The following ZFPM2 variants were observed in gnomAD, a reference collection of about 807,000 sequenced individuals.
The protein encoded by ZFPM2 is zinc finger protein, FOG family member 2.
Under a neutral mutation model 98.6 loss-of-function variants are expected in ZFPM2, and 20 were observed. The observed-to-expected ratio is 0.20, with a 90% CI of 0.14 to 0.29. The LOEUF is 0.29. ZFPM2 is among the 10% of genes least tolerant of loss of function. The pLI, the probability that ZFPM2 is intolerant of heterozygous loss-of-function variation, is 1.00. For synonymous variants in ZFPM2, 518 were observed against 502.7 expected (o/e 1.03, Z -0.41); for missense variants, 1,310 against 1,388.6 (o/e 0.94, Z 0.90).
intron 5 of ZFPM2, among the ~76,000 whole-genome samples, chr8:105,723,768 C>T (rs548475639): frequency 7.9e-5 from 12 of 151,922 alleles, no homozygotes; most frequent in African/African-American, 2.9e-4. Flanking sequence ...GTAGAGTTAG[C>T]CCGTTCCTTT....
chr8:105,628,249 A>G (rs1469794821), intron 4 of ZFPM2, among the ~76,000 whole-genome samples: 1 of 152,208 alleles, frequency 6.6e-6, no homozygotes, highest in South Asian at 2.1e-4. Flanking sequence ...TCCAAAAACA[A>G]TAATGTCCTT....
intron 4 of ZFPM2, among the ~76,000 whole-genome samples, chr8:105,588,455 T>C (rs754310937): frequency 1.3e-5 from 2 of 152,152 alleles, no homozygotes; most frequent in Admixed American, 6.5e-5. Flanking sequence ...TAAAAACTAG[T>C]ATCAAAATAA....
At chr8:105,723,032 C>T (rs1401349756) in intron 5 of ZFPM2, among the ~76,000 whole-genome samples, 2 of 151,852 alleles carry the variant, frequency 1.3e-5, no homozygotes, top group Admixed American at 6.6e-5. Context: ...TCTTCCTCAT[C>T]GTCTGGCATT....
intron 5 of ZFPM2, among the ~76,000 whole-genome samples, chr8:105,782,940 G>A (rs1479907729): frequency 6.6e-6 from 1 of 152,022 alleles, no homozygotes. Flanking sequence ...CCTCTATAGA[G>A]AGTCAACAGG....
intron 5 of ZFPM2, among the ~76,000 whole-genome samples, chr8:105,666,450 A>G (rs1586184301): frequency 6.6e-6 from 1 of 152,156 alleles, no homozygotes; most frequent in Non-Finnish European, 1.5e-5. Context: ...TAGATGTTCA[A>G]TTCTTCCTTT....
intron 4 of ZFPM2, among the ~76,000 whole-genome samples, chr8:105,587,806 T>A (rs1263825655): frequency 6.6e-6 from 1 of 152,140 alleles, no homozygotes; most frequent in Non-Finnish European, 1.5e-5. Context: ...GTCCTTTGCA[T>A]TGTAGGATGT....
intron 3 of ZFPM2, among the ~76,000 whole-genome samples, chr8:105,507,860 G>A (rs372430077): frequency 4.1e-4 from 63 of 152,308 alleles, no homozygotes; most frequent in African/African-American, 1.5e-3. Flanking sequence ...GAATGGCGTT[G>A]AGAGTAATTG....
rs767919418 is a variant in ZFPM2 at position 105,788,743 on chromosome 8, G to A, written c.558G>A (p.Thr186=). ...SKGGQLWCTT[T]KAISEGEELI... ...GGGGTCAGCTTTGGTGTACAACTAC[G>A]AAGGCCATCTCTGAGGGTGAAGAGC... is the stretch of plus-strand genomic sequence containing the variant. Residue 186 remains threonine (T), a synonymous_variant, in exon 6 of 8, where the codon ACG becomes ACA. Transcript: ENST00000407775. 15 of 1,613,848 alleles carry A rather than the reference G, an allele frequency of 9.3e-6. No homozygotes were observed. The highest frequency in any genetic ancestry group is 6.6e-5 in the South Asian group (6 of 91,070).
At chr8:105,643,727 T>TTCAAGGTAC (rs574678291) in intron 5 of ZFPM2, among the ~76,000 whole-genome samples, 48 of 152,312 alleles carry the variant, frequency 3.2e-4, no homozygotes, top group East Asian at 3.1e-3. Context: ...CTAATCAGTC[T>TTCAAGGTAC]TCAAGGTACT....
At chr8:105,656,987 T>C (rs1817298444) in intron 5 of ZFPM2, among the ~76,000 whole-genome samples, 1 of 152,192 alleles carries the variant, frequency 6.6e-6, no homozygotes, top group South Asian at 2.1e-4. Flanking sequence ...CTCTTCTCTC[T>C]TTCCCTTTTT....
chr8:105,662,963 G>A (rs1417820308), intron 5 of ZFPM2: 1 of 152,044 alleles, frequency 6.6e-6, no homozygotes, highest in Non-Finnish European at 1.5e-5. Flanking sequence ...GACAACACTC[G>A]AAGAATGTTC....
chr8:105,721,091 C>G (rs1341457550), intron 5 of ZFPM2, among the ~76,000 whole-genome samples: 3 of 151,932 alleles, frequency 2.0e-5, no homozygotes, highest in African/African-American at 7.2e-5. Flanking sequence ...CCTCTGTAGA[C>G]ATAGGGGACT....
At chr8:105,420,598 AT>A (rs2130087494) in intron 2 of ZFPM2, among the ~76,000 whole-genome samples, 1 of 152,306 alleles carries the variant, frequency 6.6e-6, no homozygotes, top group South Asian at 2.1e-4. Flanking sequence ...TATGAACAGA[AT>A]AGCCTTTTTT....
At chr8:105,330,571 T>TATAC (rs1563606622) in intron 1 of ZFPM2, among the ~76,000 whole-genome samples, 2 of 91,256 alleles carry the variant, frequency 2.2e-5, no homozygotes, top group African/African-American at 8.4e-5. Flanking sequence ...TATATATACA[T>TATAC]ATATATATAC....
At position 105,762,628 on chromosome 8, in the gene ZFPM2, T is replaced by A. The variant is rs145987853; in HGVS notation, c.533-26090T>A. Among the ~76,000 whole-genome samples, 411 of 152,052 alleles carry A rather than the reference T, an allele frequency of 2.7e-3. 1 individual carries two copies. Among genetic ancestry groups the A allele is most frequent in the African/African-American group, 8.9e-3 (368 of 41,498 alleles). On this transcript the variant is annotated intron_variant, in intron 5 of 7. Transcript: ENST00000407775. ...GAAATGGAGTTTCTATTCAGGAGTGTCGTTCATATAAATATTTTTGCACAT... is the reference window on the plus strand; with the variant it reads ...GAAATGGAGTTTCTATTCAGGAGTGACGTTCATATAAATATTTTTGCACAT...
chr8:105,434,283 C>T (rs904574563), intron 2 of ZFPM2, among the ~76,000 whole-genome samples: 9 of 151,666 alleles, frequency 5.9e-5, no homozygotes, highest in Non-Finnish European at 1.0e-4. Context: ...AATTTGGTAA[C>T]ATAGAGTTAA....
chr8:105,412,939 G>A (rs577960180), intron 1 of ZFPM2, among the ~76,000 whole-genome samples: 39 of 151,840 alleles, frequency 2.6e-4, no homozygotes, highest in Non-Finnish European at 3.2e-4. Context: ...AGAGCCACAA[G>A]ATATGCCCCA....
rs1270241172 is a variant in ZFPM2 at position 105,418,485 on chromosome 8, T to G, written c.41-659T>G. On this transcript the variant is annotated intron_variant, in intron 1 of 7. Coordinates refer to ENST00000407775, the MANE Select transcript of ZFPM2 (RefSeq NM_012082.4). ...CATTCTCTCCAAGGGAGTTGTATTTTTATTACTGAAAAAGTATCACATAAA... is the reference window on the plus strand; with the variant it reads ...CATTCTCTCCAAGGGAGTTGTATTTGTATTACTGAAAAAGTATCACATAAA... 6.4e-5 allele frequency: 32 copies of G among 499,656 alleles called. No homozygotes were observed. The East Asian group carries it at 1.7e-3, about 26-fold the overall frequency. 31.0% of individuals were successfully genotyped at this position (499,656 alleles called of 1,614,324 possible). A position where few individuals can be genotyped will look rare whatever the true frequency, so the allele number is the denominator to read the frequency against.
intron 1 of ZFPM2, among the ~76,000 whole-genome samples, chr8:105,386,738 A>G (rs2129907893): frequency 6.6e-6 from 1 of 152,188 alleles, no homozygotes; most frequent in African/African-American, 2.4e-5. Flanking sequence ...ATCGGGCCCC[A>G]CCCACATCCT....
Sources: gnomAD v4.1 joint callset for allele counts (sites outside exome capture counted in the v4.1 genomes callset) on GRCh38, gnomAD v4.1.1 for gene constraint, MANE v1.5 for transcripts, NCBI Gene and HGNC (gene_info 2026-07-23, HGNC 2026-07-21) for gene names.